The following ZNF324 variants were observed in gnomAD, a reference collection of about 807,000 sequenced individuals.
ZNF324 encodes the protein zinc finger protein 324.
In ZNF324, 3 loss-of-function variants were observed where a neutral mutation model predicts 10.3. The ratio of observed to expected loss-of-function variants is 0.29; its 90% CI spans 0.13 to 0.75. The LOEUF is 0.75. ZNF324 is among the 30% of genes least tolerant of loss of function. ZNF324 has a pLI of 0.69. For synonymous variants in ZNF324, 430 were observed against 339.5 expected, an observed-to-expected ratio of 1.27 and a Z score of -2.93; for missense variants, 763 against 784.4, an observed-to-expected ratio of 0.97 and a Z score of 0.33.
chr19:58,474,847 C>T lies in ZNF324; in HGVS notation c.*2693C>T, dbSNP rs922266808. The T allele has an allele frequency of 2.0e-5, 3 of 152,238 alleles. No individual in the cohort carries two copies. Among genetic ancestry groups the T allele is most frequent in the Non-Finnish European group, 4.4e-5 (3 of 68,028 alleles). 9.4% of individuals were successfully genotyped at this position (152,238 alleles called of 1,614,324 possible). On this transcript the variant is annotated 3_prime_UTR_variant, in exon 4 of 4. Transcript: ENST00000196482. ...AGCTAGAAGTGGGTGAGAGCTGTCA[C>T]TAAGTTAGGGAAGGCAAAATACTAC... is the stretch of plus-strand genomic sequence containing the variant.
At position 58,473,575 on chromosome 19, in the gene ZNF324, A is replaced by T. The variant is rs2053057024; in HGVS notation, c.*1421A>T. ...CTTCTCTGATAAAGGTTTCTTTTTA[A>T]ACATTTGTGTGAACGGTAGCAACCT... On this transcript the variant is annotated 3_prime_UTR_variant, in exon 4 of 4. Coordinates refer to ENST00000196482, the MANE Select transcript of ZNF324 (RefSeq NM_014347.3). 6.6e-6 allele frequency: 1 copy of T among 152,182 alleles called. No individual in the cohort carries two copies. The highest frequency in any genetic ancestry group is 2.1e-4 in the South Asian group (1 of 4,830). 9.4% of individuals were successfully genotyped at this position (152,182 alleles called of 1,614,324 possible).
In ZNF324 at chr19:58,471,947, G is replaced by A. The variant is rs1455541029; in HGVS notation, c.1455G>A (p.Gln485=). The part of the protein sequence containing the change: ...HTGEKPFVCT[Q]CGRAFRERPA... ...GCGAGAAGCCCTTCGTGTGTACGCA[G>A]TGTGGCCGCGCCTTCCGTGAGCGCC... is the stretch of plus-strand genomic sequence containing the variant. Residue 485 remains glutamine (Q), a synonymous_variant, in exon 4 of 4, where the codon CAG becomes CAA. Transcript: ENST00000196482. The A allele has an allele frequency of 3.1e-6, 5 of 1,609,688 alleles. No homozygotes were observed. In the East Asian group the frequency reaches 6.7e-5, roughly 22 times the overall value.
Position 58,475,037 on chromosome 19 carries a change from G to A in ZNF324, c.*2883G>A, listed in dbSNP as rs946948968. On this transcript the variant is annotated 3_prime_UTR_variant, in exon 4 of 4. Transcript: ENST00000196482. The stretch of plus-strand genomic sequence containing the variant: ...CAGTGCTCTCCCCACATGGTGGAGG[G>A]TGAAAGTTTTTGTTTTTTTTTCCTT... 24 of 152,166 alleles carry A rather than the reference G, an allele frequency of 1.6e-4. No homozygotes were observed. Among genetic ancestry groups the A allele is most frequent in the Middle Eastern group, 6.8e-3 (2 of 294 alleles). 9.4% of individuals were successfully genotyped at this position (152,166 alleles called of 1,614,324 possible). A position where few individuals can be genotyped will look rare whatever the true frequency, so the allele number is the denominator to read the frequency against.
At position 58,474,623 on chromosome 19, in the gene ZNF324, A is replaced by C. The variant is rs2053065484; in HGVS notation, c.*2469A>C. On this transcript the variant is annotated 3_prime_UTR_variant, in exon 4 of 4. Transcript: ENST00000196482. ...TTGGCCCCTCGGCTGACCTCCCTCC[A>C]ACCTCCCCCTCTGCTCTTAATTTTG... 6.6e-6 allele frequency: 1 copy of C among 151,918 alleles called. No individual in the cohort carries two copies. Among genetic ancestry groups the C allele is most frequent in the Admixed American group, 6.6e-5 (1 of 15,222 alleles). The allele number at this position is 151,918 out of a possible 1,614,324, so 9.4% of individuals were successfully genotyped here. A position where few individuals can be genotyped will look rare whatever the true frequency, so the allele number is the denominator to read the frequency against.
Position 58,467,126 on chromosome 19 carries a change from C to A in ZNF324, c.-64C>A. The A allele has an allele frequency of 5.7e-6, 1 of 176,446 alleles. No homozygotes were observed. The highest frequency in any genetic ancestry group is 2.4e-5 in the African/African-American group (1 of 42,340). The allele number at this position is 176,446 out of a possible 1,614,324, so 10.9% of individuals were successfully genotyped here. A position where few individuals can be genotyped will look rare whatever the true frequency, so the allele number is the denominator to read the frequency against. On this transcript the variant is annotated 5_prime_UTR_variant, in exon 1 of 4. Transcript: ENST00000196482. ...CACACCGGTGGTCTGGGCTGGGGACCGCGGGTCGGGTCCGGTTTCCAGGGG... is the reference window on the plus strand; with the variant it reads ...CACACCGGTGGTCTGGGCTGGGGACAGCGGGTCGGGTCCGGTTTCCAGGGG...
At position 58,474,284 on chromosome 19, in the gene ZNF324, G is replaced by A. The variant is rs1186143373; in HGVS notation, c.*2130G>A. The A allele has an allele frequency of 1.3e-5, 2 of 152,200 alleles. No individual in the cohort carries two copies. The highest frequency in any genetic ancestry group is 2.4e-5 in the African/African-American group (1 of 41,444). 9.4% of individuals were successfully genotyped at this position (152,200 alleles called of 1,614,324 possible). ...CCCTGCCTGAAAGAGCACTTTTCTG[G>A]GGAGCCCATGGGAGTCAGGAGCAAA... On this transcript the variant is annotated 3_prime_UTR_variant, in exon 4 of 4. Coordinates refer to ENST00000196482, the MANE Select transcript of ZNF324 (RefSeq NM_014347.3).
At chr19:58,467,725 G>A (rs1193259140) in intron 1 of ZNF324, 2 of 152,178 alleles carry the variant, frequency 1.3e-5, no homozygotes, top group East Asian at 3.9e-4. Flanking sequence ...AGAGTCCTGC[G>A]TGTGCAAAAC....
rs2053057045 is a variant in ZNF324, at chr19:58,473,580, T to C, written c.*1426T>C. 1 of 152,186 alleles carries C rather than the reference T, an allele frequency of 6.6e-6. No individual in the cohort carries two copies. Among genetic ancestry groups the C allele is most frequent in the Non-Finnish European group, 1.5e-5 (1 of 68,052 alleles). The allele number at this position is 152,186 out of a possible 1,614,324, so 9.4% of individuals were successfully genotyped here. ...CTGATAAAGGTTTCTTTTTAAACAT[T>C]TGTGTGAACGGTAGCAACCTGACAC... On this transcript the variant is annotated 3_prime_UTR_variant, in exon 4 of 4. Coordinates refer to ENST00000196482, the MANE Select transcript of ZNF324 (RefSeq NM_014347.3).
In ZNF324 at chr19:58,472,266, A is replaced by G; in HGVS notation, c.*112A>G. On this transcript the variant is annotated 3_prime_UTR_variant, in exon 4 of 4. Transcript: ENST00000196482. ...GTCCCGTGCTTGCTAGTCAGGGACA[A>G]GGGAGGCCCTTTGGCTGTGATTTCA... 3.4e-6 allele frequency: 4 copies of G among 1,190,188 alleles called. No homozygotes were observed. The highest frequency in any genetic ancestry group is 2.6e-5 in the East Asian group (1 of 38,796). 73.7% of individuals were successfully genotyped at this position (1,190,188 alleles called of 1,614,324 possible).
At chr19:58,470,078 C>T (rs1385342789) in intron 3 of ZNF324, among the ~76,000 whole-genome samples, 3 of 152,190 alleles carry the variant, frequency 2.0e-5, no homozygotes, top group Non-Finnish European at 4.4e-5. Flanking sequence ...GTGAGACCAT[C>T]TCAGAGTCCT....
chr19:58,474,562 T>C lies in ZNF324; in HGVS notation c.*2408T>C, dbSNP rs1390601979. ...CCTCCCCAAACCCATGACTGATCAG[T>C]GGCCCCCAACCTAGGCTCCCACCTC... On this transcript the variant is annotated 3_prime_UTR_variant, in exon 4 of 4. Transcript: ENST00000196482. 6.6e-6 allele frequency: 1 copy of C among 151,978 alleles called. No homozygotes were observed. The highest frequency in any genetic ancestry group is 2.4e-5 in the African/African-American group (1 of 41,348). The allele number at this position is 151,978 out of a possible 1,614,324, so 9.4% of individuals were successfully genotyped here. A position where few individuals can be genotyped will look rare whatever the true frequency, so the allele number is the denominator to read the frequency against.
At chr19:58,470,523 A>G in intron 3 of ZNF324, 2 of 685,298 alleles carry the variant, frequency 2.9e-6, no homozygotes, top group Non-Finnish European at 5.2e-6. Flanking sequence ...CACCTTGATC[A>G]TGGGAGTGCC....
chr19:58,470,177 A>G (rs1017504020), intron 3 of ZNF324, among the ~76,000 whole-genome samples: 8 of 152,174 alleles, frequency 5.3e-5, no homozygotes, highest in Non-Finnish European at 1.0e-4. Flanking sequence ...CTTTGTGTTC[A>G]GCAAACATTT....
intron 1 of ZNF324, among the ~76,000 whole-genome samples, chr19:58,468,812 G>A (rs1198999791): frequency 3.9e-5 from 6 of 152,154 alleles, no homozygotes; most frequent in Non-Finnish European, 5.9e-5. Flanking sequence ...AGACATGTGA[G>A]GGAAGTGCCA....
Position 58,469,829 on chromosome 19 carries a change from A to G in ZNF324, c.223A>G (p.Arg75Gly), listed in dbSNP as rs1419020640. ...TDTTLSRTTY[R>G]RRNPGSWSLT... ...CACAACCCTGTCCAGGACCACCTACAGGAGGCGCAACCCTGGTGAGAGGGA... is the reference window on the plus strand; with the variant it reads ...CACAACCCTGTCCAGGACCACCTACGGGAGGCGCAACCCTGGTGAGAGGGA... Residue 75 changes from arginine (R) to glycine (G), a missense_variant, in exon 3 of 4, where the codon AGG becomes GGG. Arg to Gly is a moderately radical substitution (Grantham distance 125). Around this residue, in one of 3 missense-constraint regions of ZNF324, gnomAD observed 379 missense variants for 319.4 expected, o/e 1.19. Coordinates refer to ENST00000196482, the MANE Select transcript of ZNF324 (RefSeq NM_014347.3). 1.3e-6 allele frequency: 2 copies of G among 1,599,752 alleles called. No individual in the cohort carries two copies. The highest frequency in any genetic ancestry group is 2.3e-5 in the East Asian group (1 of 44,240).
In ZNF324 at chr19:58,471,225, G is replaced by A. The variant is rs777767020; in HGVS notation, c.733G>A (p.Glu245Lys). The A allele has an allele frequency of 2.5e-6, 4 of 1,613,618 alleles. No homozygotes were observed. Among genetic ancestry groups the A allele is most frequent in the South Asian group, 1.1e-5 (1 of 91,060 alleles). Residue 245 changes from glutamate (E) to lysine (K), a missense_variant, in exon 4 of 4, where the codon GAG becomes AAG. By Grantham distance (56) the Glu-to-Lys change is moderately conservative. This residue lies in a region of ZNF324 where 153 missense variants were observed against 269.0 expected (regional missense o/e 0.57). Coordinates refer to ENST00000196482, the MANE Select transcript of ZNF324 (RefSeq NM_014347.3). The part of the protein sequence containing the change: ...LGGQEPSTWD[E>K]LGEALHAGEK... ...TGGCCAGGAGCCCTCGACCTGGGACGAGCTGGGCGAGGCTCTTCACGCTGG... is the reference window on the plus strand; with the variant it reads ...TGGCCAGGAGCCCTCGACCTGGGACAAGCTGGGCGAGGCTCTTCACGCTGG...
At chr19:58,468,173 T>C (rs2052998350) in intron 1 of ZNF324, 1 of 984,754 alleles carries the variant, frequency 1.0e-6, no homozygotes, top group Non-Finnish European at 1.2e-6. Flanking sequence ...AGATCAAGAG[T>C]CTGGGATGTC....
rs2053043246 is a variant in ZNF324 at position 58,472,224 on chromosome 19, T to G, written c.*70T>G. 2 of 1,423,666 alleles carry G rather than the reference T, an allele frequency of 1.4e-6. No individual in the cohort carries two copies. Among genetic ancestry groups the G allele is most frequent in the African/African-American group, 1.4e-5 (1 of 70,102 alleles). The allele number at this position is 1,423,666 out of a possible 1,614,324, so 88.2% of individuals were successfully genotyped here. A position where few individuals can be genotyped will look rare whatever the true frequency, so the allele number is the denominator to read the frequency against. Reference sequence around the variant, plus strand: ...CTAAAGGGCATATGTCCTCTGCAGATCCACAGCAGAGAAAAAGTCCCGTGC... The same window carrying G: ...CTAAAGGGCATATGTCCTCTGCAGAGCCACAGCAGAGAAAAAGTCCCGTGC... On this transcript the variant is annotated 3_prime_UTR_variant, in exon 4 of 4. Coordinates refer to ENST00000196482, the MANE Select transcript of ZNF324 (RefSeq NM_014347.3).
chr19:58,471,992 G>C lies in ZNF324; in HGVS notation c.1500G>C (p.Gln500His), dbSNP rs768104935. The C allele has an allele frequency of 3.1e-6, 5 of 1,608,808 alleles. No individual in the cohort carries two copies. The highest frequency in any genetic ancestry group is 4.2e-6 in the Non-Finnish European group (5 of 1,179,694). ...FRERPALFHH[Q>H]RIHTGEKTVR... is the part of the protein sequence containing the mutation. Reference sequence around the variant, plus strand: ...AGCGCCCGGCCCTCTTCCACCACCAGAGGATCCATACCGGCGAGAAGACCG... The same window carrying C: ...AGCGCCCGGCCCTCTTCCACCACCACAGGATCCATACCGGCGAGAAGACCG... Residue 500 changes from glutamine to histidine, a missense_variant, in exon 4 of 4, where the codon CAG (glutamine) becomes CAC (histidine). Coordinates refer to ENST00000196482, the MANE Select transcript of ZNF324 (RefSeq NM_014347.3).
Sources: allele counts gnomAD v4.1 joint callset (sites outside exome capture counted in the v4.1 genomes callset), GRCh38; gene constraint gnomAD v4.1.1; regional missense constraint gnomAD v4.1.1; transcripts MANE v1.5; gene names NCBI Gene and HGNC (gene_info 2026-07-23, HGNC 2026-07-21).